Variants in TBL1XR1 observed in about 807,000 individuals in gnomAD.
The protein encoded by TBL1XR1 is F-box-like/WD repeat-containing protein TBL1XR1.
In TBL1XR1, 5 loss-of-function variants were observed where a neutral mutation model predicts 66.9. That is an observed-to-expected ratio of 0.07 (90% CI 0.04 to 0.16). The LOEUF (loss-of-function observed/expected upper bound fraction) is 0.16. Among genes scored for constraint, TBL1XR1 ranks in the 10% least tolerant of loss-of-function variants. TBL1XR1 has a pLI of 1.00. For synonymous variants in TBL1XR1, 210 were observed against 206.0 expected (o/e 1.02, Z -0.17); for missense variants, 238 against 623.2 (o/e 0.38, Z 6.58).
intron 12 of TBL1XR1, among the ~76,000 whole-genome samples, chr3:177,035,335 T>A (rs1011855981): frequency 6.6e-6 from 1 of 152,108 alleles, no homozygotes; most frequent in African/African-American, 2.4e-5. Context: ...TGGTGATTGT[T>A]AGAGTTTCTA....
chr3:177,047,122 G>A (rs1560112929), intron 9 of TBL1XR1, among the ~76,000 whole-genome samples, 178 bp downstream of exon 9: 1 of 152,106 alleles, frequency 6.6e-6, no homozygotes, highest in Non-Finnish European at 1.5e-5. Flanking sequence ...AAAGGATAAG[G>A]ACATTTTGGT....
At chr3:177,095,174 C>A (rs1723311218) in intron 2 of TBL1XR1, among the ~76,000 whole-genome samples, 1 of 151,504 alleles carries the variant, frequency 6.6e-6, no homozygotes, top group South Asian at 2.1e-4. Context: ...AACTCAGAAA[C>A]AGAAATAAAA....
At chr3:177,085,953 G>A (rs999573027) in intron 2 of TBL1XR1, among the ~76,000 whole-genome samples, 10 of 152,062 alleles carry the variant, frequency 6.6e-5, no homozygotes, top group African/African-American at 2.4e-4. Flanking sequence ...CTGTAACTAT[G>A]ACAAAGTATA....
At chr3:177,141,926 T>G (rs557766559) in intron 1 of TBL1XR1, among the ~76,000 whole-genome samples, 1 of 152,342 alleles carries the variant, frequency 6.6e-6, no homozygotes, top group South Asian at 2.1e-4. Context: ...GACGTTATGC[T>G]AAGTATATTA....
chr3:177,185,895 T>C (rs1000574422), intron 1 of TBL1XR1, among the ~76,000 whole-genome samples: 22 of 152,044 alleles, frequency 1.4e-4, no homozygotes, highest in Non-Finnish European at 1.5e-5. Context: ...TCTGTAGTCC[T>C]ACCTACTCAG....
chr3:177,112,189 C>T (rs749351979), intron 1 of TBL1XR1, among the ~76,000 whole-genome samples: 17 of 139,950 alleles, frequency 1.2e-4, no homozygotes, highest in Non-Finnish European at 2.0e-4. Context: ...CTCACTAAAA[C>T]CTGCGTCTCC....
chr3:177,183,457 G>A (rs145798566), intron 1 of TBL1XR1, among the ~76,000 whole-genome samples: 215 of 152,316 alleles, frequency 1.4e-3, no homozygotes, highest in African/African-American at 5.1e-3. Context: ...TAAAGCAGTT[G>A]TCAGTTGTCA....
chr3:177,058,017 G>A (rs1337731963), intron 3 of TBL1XR1, among the ~76,000 whole-genome samples: 1 of 152,144 alleles, frequency 6.6e-6, no homozygotes, highest in Non-Finnish European at 1.5e-5. Flanking sequence ...TGTTCTCAAA[G>A]GGGAGTTAGT....
chr3:177,083,844 C>A (rs1283687133), intron 2 of TBL1XR1, among the ~76,000 whole-genome samples: 1 of 151,850 alleles, frequency 6.6e-6, no homozygotes, highest in Admixed American at 6.6e-5. Context: ...AATCCCAGCA[C>A]TCTGGGAAGC....
chr3:177,052,649 GAAAC>G (rs771971964), intron 4 of TBL1XR1, among the ~76,000 whole-genome samples: 2 of 152,086 alleles, frequency 1.3e-5, no homozygotes, highest in African/African-American at 2.4e-5. Flanking sequence ...AAGAGCTGAG[GAAAC>G]AAACAAATCC....
intron 1 of TBL1XR1, among the ~76,000 whole-genome samples, chr3:177,152,473 G>A (rs1021350219): frequency 2.6e-5 from 4 of 152,164 alleles, no homozygotes; most frequent in Non-Finnish European, 5.9e-5. Flanking sequence ...TTTTAGTAGA[G>A]ATGGGGTTTC....
At chr3:177,038,497 G>C in intron 10 of TBL1XR1, 63 bp from the exon 11 acceptor site, 2 of 1,402,932 alleles carry the variant, frequency 1.4e-6, no homozygotes, top group Non-Finnish European at 1.9e-6. Flanking sequence ...AAGAGTTTTA[G>C]CTTTGAACCA....
rs184324021 is a variant in TBL1XR1, at chr3:177,046,315, T to C, written c.865-126A>G. The C allele has an allele frequency of 1.1e-4, 69 of 626,682 alleles. No homozygotes were observed. In the African/African-American group the frequency reaches 1.3e-3, roughly 12 times the overall value. The allele number at this position is 626,682 out of a possible 1,614,324, so 38.8% of individuals were successfully genotyped here. On this transcript the variant is annotated intron_variant, in intron 9 of 15. Coordinates refer to ENST00000457928, the MANE Select transcript of TBL1XR1 (RefSeq NM_024665.7). ...AGTGGATTTAATTTTAAACACTTTA[T>C]CCCAAATAGTACCACAAGGCTATAT...
intron 2 of TBL1XR1, among the ~76,000 whole-genome samples, chr3:177,080,113 A>T (rs910048779): frequency 3.3e-5 from 5 of 152,258 alleles, no homozygotes; most frequent in African/African-American, 7.2e-5. Flanking sequence ...AAGGTTGAAA[A>T]TAATTTTCAT....
intron 11 of TBL1XR1, 59 bp downstream of exon 11, chr3:177,038,254 T>C: frequency 6.3e-7 from 1 of 1,596,234 alleles, no homozygotes; most frequent in Non-Finnish European, 8.5e-7. Context: ...ACTTTAAAAC[T>C]ATTCTGAAAC....
In TBL1XR1 at chr3:177,128,263, A is replaced by C. The variant is rs138596596; in HGVS notation, c.-121-29722T>G. On this transcript the variant is annotated intron_variant, in intron 1 of 15. Transcript: ENST00000457928. ...AAAATCATTCTTTTAGTACACTGTA[A>C]TTTAAAACATTAGAACCGATGTGAA... is the stretch of plus-strand genomic sequence containing the variant. Among the ~76,000 whole-genome samples the C allele has an allele frequency of 1.5e-4, 23 of 152,300 alleles. No individual in the cohort carries two copies. The East Asian group carries it at 4.4e-3, about 29-fold the overall frequency.
rs530664728 is a variant in TBL1XR1, at chr3:177,035,113, G to A, written c.1123-788C>T. Among the ~76,000 whole-genome samples, 42 of 152,212 alleles carry A rather than the reference G, an allele frequency of 2.8e-4. 2 individuals carry two copies. In the South Asian group the frequency reaches 7.7e-3, roughly 28 times the overall value. On this transcript the variant is annotated intron_variant, in intron 12 of 15. Transcript: ENST00000457928. Reference sequence around the variant, plus strand: ...ATAATGAAGCATCAGAGTGTTTTTGGTGCCCTATGTATTTACAACCCCAAG... The same window carrying A: ...ATAATGAAGCATCAGAGTGTTTTTGATGCCCTATGTATTTACAACCCCAAG...
In TBL1XR1 at chr3:177,022,240, T is replaced by G. The variant is rs1437267541; in HGVS notation, c.*3258A>C. The G allele has an allele frequency of 6.6e-6, 1 of 152,566 alleles. No homozygotes were observed. 9.5% of individuals were successfully genotyped at this position (152,566 alleles called of 1,614,324 possible). ...TGTATTTCAATCTAGTGATTACTTTTTGCACCATAATTTGTTTTTTACACC... is the reference window on the plus strand; with the variant it reads ...TGTATTTCAATCTAGTGATTACTTTGTGCACCATAATTTGTTTTTTACACC... On this transcript the variant is annotated 3_prime_UTR_variant, in exon 16 of 16. Transcript: ENST00000457928.
chr3:177,038,343 G>A lies in TBL1XR1; in HGVS notation c.1017C>T (p.Asp339=). The change falls in exon 11 of 16, where the codon GAC becomes GAT. Residue 339 remains aspartate (D), a synonymous_variant. Coordinates refer to ENST00000457928, the MANE Select transcript of TBL1XR1 (RefSeq NM_024665.7). ...GTCCTTGGAATGTTTTAATAGGTCT[G>A]TCTTGTCCTAATTTACAGACATGAA... ...MCIHVCKLGQ[D]RPIKTFQGHT... 1 of 1,595,152 alleles carries A rather than the reference G, an allele frequency of 6.3e-7. No individual in the cohort carries two copies. Among genetic ancestry groups the A allele is most frequent in the Non-Finnish European group, 8.6e-7 (1 of 1,169,456 alleles).
Sources: allele counts gnomAD v4.1 joint callset (sites outside exome capture counted in the v4.1 genomes callset), GRCh38; gene constraint gnomAD v4.1.1; transcripts MANE v1.5; gene names NCBI Gene and HGNC (gene_info 2026-07-23, HGNC 2026-07-21).